PCBP3: variants seen among roughly 807,000 people sequenced by gnomAD.
PCBP3 encodes the protein poly(rC) binding protein 3, also known as poly(rC)-binding protein 3.
In PCBP3, 25 loss-of-function variants were observed where a neutral mutation model predicts 52.7. The ratio of observed to expected loss-of-function variants is 0.47; its 90% CI spans 0.35 to 0.66. The LOEUF (loss-of-function observed/expected upper bound fraction) is 0.66. Among genes scored for constraint, PCBP3 ranks in the 30% least tolerant of loss-of-function variants. PCBP3 has a pLI of 0.01. For synonymous variants in PCBP3, 162 were observed against 183.0 expected (o/e 0.89, Z 0.93); for missense variants, 391 against 490.3 (o/e 0.80, Z 1.91).
intron 4 of PCBP3, among the ~76,000 whole-genome samples, chr21:45,768,908 G>A (rs1007664844): frequency 5.3e-5 from 8 of 152,230 alleles, no homozygotes; most frequent in Non-Finnish European, 1.2e-4. Context: ...CGTCTGACTC[G>A]GGGATGCCAG....
intron 4 of PCBP3, among the ~76,000 whole-genome samples, chr21:45,792,732 T>G (rs73907881): frequency 6.6e-6 from 1 of 152,312 alleles, no homozygotes; most frequent in East Asian, 1.9e-4. Context: ...ACAGGCCTAA[T>G]GCAGAGAAGA....
intron 4 of PCBP3, among the ~76,000 whole-genome samples, chr21:45,834,941 T>A (rs1410377771): frequency 6.6e-6 from 1 of 152,228 alleles, no homozygotes; most frequent in Non-Finnish European, 1.5e-5. Context: ...CTCAAAGCGC[T>A]GCTGGAAATG....
chr21:45,784,391 T>TCTACCG (rs201132923), intron 4 of PCBP3, among the ~76,000 whole-genome samples: 26 of 113,372 alleles, frequency 2.3e-4, no homozygotes, highest in African/African-American at 4.4e-4. Context: ...TACCTCTACC[T>TCTACCG]CTACCGCTAC....
rs537098060 is a variant in PCBP3 at position 45,929,817 on chromosome 21, C to G, written c.718-100C>G. On this transcript the variant is annotated intron_variant, in intron 13 of 17. Coordinates refer to ENST00000681687, the MANE Select transcript of PCBP3 (RefSeq NM_001384156.1). ...GCCATGTGTCCGCATGGCCCTCTTT[C>G]TATCTATCTGTGCAAAGTTCTGTTA... 80 of 871,738 alleles carry G rather than the reference C, an allele frequency of 9.2e-5. No individual in the cohort carries two copies. The Admixed American group carries it at 1.1e-3, about 12-fold the overall frequency. The allele number at this position is 871,738 out of a possible 1,614,324, so 54.0% of individuals were successfully genotyped here. A position where few individuals can be genotyped will look rare whatever the true frequency, so the allele number is the denominator to read the frequency against.
intron 2 of PCBP3, among the ~76,000 whole-genome samples, chr21:45,722,061 A>G (rs2084685208): frequency 6.6e-6 from 1 of 152,248 alleles, no homozygotes; most frequent in Non-Finnish European, 1.5e-5. Context: ...GAGTATGTTC[A>G]CTACAGCAGT....
intron 4 of PCBP3, among the ~76,000 whole-genome samples, chr21:45,777,695 A>G (rs117888519): frequency 0.021 from 3,227 of 151,360 alleles, 56 homozygotes; most frequent in South Asian, 0.051. Flanking sequence ...GATTTAGCCT[A>G]TTGTTGAAGC....
At chr21:45,908,469 G>A (rs7410101) in intron 9 of PCBP3, among the ~76,000 whole-genome samples, 121,880 of 152,226 alleles carry the variant, frequency 0.8, 49,552 homozygotes, top group East Asian at 1. Context: ...GCACACACTG[G>A]CCAAGCCTTG....
chr21:45,789,906 G>A (rs2091426691), intron 4 of PCBP3, among the ~76,000 whole-genome samples: 1 of 152,162 alleles, frequency 6.6e-6, no homozygotes, highest in South Asian at 2.1e-4. Context: ...TTGGGAGGCC[G>A]AGACGGGCGG....
At chr21:45,659,592 C>G (rs115217680) in intron 1 of PCBP3, among the ~76,000 whole-genome samples, 3,139 of 152,204 alleles carry the variant, frequency 0.021, 117 homozygotes, top group African/African-American at 0.072. Context: ...CTCAAGCAGT[C>G]CTCCCGCTAT....
At chr21:45,920,341 A>G (rs2074264002) in intron 13 of PCBP3, among the ~76,000 whole-genome samples, 1 of 152,240 alleles carries the variant, frequency 6.6e-6, no homozygotes, top group African/African-American at 2.4e-5. Context: ...GTGGGACTGC[A>G]GGACCCTGAT....
At chr21:45,816,452 C>G (rs1442730570) in intron 4 of PCBP3, among the ~76,000 whole-genome samples, 3 of 79,926 alleles carry the variant, frequency 3.8e-5, no homozygotes, top group Non-Finnish European at 7.3e-5. Context: ...CCTCCCCGTC[C>G]CCTGCCCCTC....
intron 12 of PCBP3, chr21:45,916,228 T>C (rs2073385167): frequency 6.6e-6 from 1 of 152,236 alleles, no homozygotes; most frequent in African/African-American, 2.4e-5. Context: ...TGGGACCCCG[T>C]GCGCTGAGGG....
intron 14 of PCBP3, among the ~76,000 whole-genome samples, chr21:45,930,539 G>A (rs1052640804): frequency 1.3e-5 from 2 of 152,188 alleles, no homozygotes; most frequent in Non-Finnish European, 2.9e-5. Context: ...CCCTGCCCCT[G>A]GCATGCCTGG....
intron 5 of PCBP3, among the ~76,000 whole-genome samples, chr21:45,878,989 T>C (rs554461328): frequency 6.6e-6 from 1 of 152,250 alleles, no homozygotes; most frequent in Admixed American, 6.5e-5. Flanking sequence ...GTTTTGTTTG[T>C]TTGTTTGTTT....
Position 45,846,243 on chromosome 21 carries a change from G to A in PCBP3, c.-125-3718G>A, listed in dbSNP as rs534520229. Among the ~76,000 whole-genome samples, 9 of 152,316 alleles carry A rather than the reference G, an allele frequency of 5.9e-5. No individual in the cohort carries two copies. In the East Asian group the frequency reaches 1.7e-3, roughly 29 times the overall value. On this transcript the variant is annotated intron_variant, in intron 4 of 17. Coordinates refer to ENST00000681687, the MANE Select transcript of PCBP3 (RefSeq NM_001384156.1). ...AACTATATTGATAGATATACATCAT[G>A]AACCAGTTCCCCTTAGGTGTTTCTA...
At position 45,650,767 on chromosome 21, in the gene PCBP3, A is replaced by C. The variant is rs561378770; in HGVS notation, c.-279+6899A>C. On this transcript the variant is annotated intron_variant, in intron 1 of 17. Transcript: ENST00000681687. The stretch of plus-strand genomic sequence containing the variant: ...ATTTTTATTTCCTGGAAATTTGGCA[A>C]AATCGATTCTTAAATGGTCTGGATC... Among the ~76,000 whole-genome samples the C allele has an allele frequency of 2.0e-5, 3 of 152,242 alleles. No homozygotes were observed. In the East Asian group the frequency reaches 5.8e-4, roughly 29 times the overall value.
At chr21:45,781,901 C>T (rs1894088575) in intron 4 of PCBP3, among the ~76,000 whole-genome samples, 1 of 152,176 alleles carries the variant, frequency 6.6e-6, no homozygotes, top group Non-Finnish European at 1.5e-5. Flanking sequence ...AATTTACTTT[C>T]ACTGAAAGTT....
chr21:45,785,599 C>T (rs1442950918), intron 4 of PCBP3, among the ~76,000 whole-genome samples: 1 of 151,550 alleles, frequency 6.6e-6, no homozygotes, highest in Non-Finnish European at 1.5e-5. Context: ...AGTGAGGAGC[C>T]CCTCTGCCCG....
intron 16 of PCBP3, among the ~76,000 whole-genome samples, chr21:45,936,533 G>A (rs1365545469): frequency 6.6e-6 from 1 of 152,208 alleles, no homozygotes; most frequent in East Asian, 1.9e-4. Flanking sequence ...GTGTGGGGTG[G>A]CACAGCCAAC....
Sources: allele counts gnomAD v4.1 joint callset (sites outside exome capture counted in the v4.1 genomes callset), GRCh38; gene constraint gnomAD v4.1.1; transcripts MANE v1.5; gene names NCBI Gene and HGNC (gene_info 2026-07-23, HGNC 2026-07-21).